The following NLGN1 variants were observed in gnomAD, a reference collection of about 807,000 sequenced individuals.
NLGN1 encodes neuroligin 1.
NLGN1 carries 12 observed loss-of-function variants against 65.5 expected under a neutral mutation model. That is an observed-to-expected ratio of 0.18 (90% confidence interval 0.12 to 0.30). The LOEUF (loss-of-function observed/expected upper bound fraction) is 0.30, where lower values mean the gene tolerates loss of function less well. NLGN1 is among the 10% of genes least tolerant of loss of function. The pLI is 1.00. For missense variants in NLGN1, 750 were observed against 1,007.1 expected, an observed-to-expected ratio of 0.74 and a Z score of 3.46; for synonymous variants, 350 against 359.5, an observed-to-expected ratio of 0.97 and a Z score of 0.30.
At chr3:173,430,375 C>G (rs1385928757) in intron 1 of NLGN1, among the ~76,000 whole-genome samples, 1 of 152,134 alleles carries the variant, frequency 6.6e-6, no homozygotes, top group East Asian at 1.9e-4. Context: ...TTGATAATAT[C>G]ACTCTCTTGA....
chr3:173,793,307 G>A (rs1183042811), intron 3 of NLGN1, among the ~76,000 whole-genome samples: 1 of 151,982 alleles, frequency 6.6e-6, no homozygotes, highest in Non-Finnish European at 1.5e-5. Context: ...AGATTTCCCT[G>A]GGAAATCTGG....
At chr3:174,140,457 G>A (rs1387195384) in intron 4 of NLGN1, among the ~76,000 whole-genome samples, 4 of 152,066 alleles carry the variant, frequency 2.6e-5, no homozygotes, top group Admixed American at 2.6e-4. Flanking sequence ...TATTTTATAT[G>A]AATTATTTTA....
chr3:174,105,822 G>A (rs1307648313), intron 4 of NLGN1, among the ~76,000 whole-genome samples: 2 of 151,506 alleles, frequency 1.3e-5, no homozygotes, highest in Non-Finnish European at 2.9e-5. Flanking sequence ...AAGGACCCAT[G>A]GAAATATATA....
intron 1 of NLGN1, among the ~76,000 whole-genome samples, chr3:173,414,070 C>T (rs536156131): frequency 6.6e-6 from 1 of 152,258 alleles, no homozygotes; most frequent in African/African-American, 2.4e-5. Context: ...CATCTTCATA[C>T]TTACATTGTA....
chr3:174,244,560 G>T (rs1743448925), intron 4 of NLGN1, among the ~76,000 whole-genome samples: 1 of 152,088 alleles, frequency 6.6e-6, no homozygotes, highest in South Asian at 2.1e-4. Context: ...TACAAGAGAA[G>T]AATTGAAATA....
At chr3:173,445,805 T>G (rs184846936) in intron 2 of NLGN1, among the ~76,000 whole-genome samples, 1 of 152,254 alleles carries the variant, frequency 6.6e-6, no homozygotes, top group East Asian at 1.9e-4. Flanking sequence ...GACAGGGAAG[T>G]TTGGGAACAC....
chr3:173,447,277 A>G (rs1307697408), intron 2 of NLGN1, among the ~76,000 whole-genome samples: 2 of 152,174 alleles, frequency 1.3e-5, no homozygotes, highest in Non-Finnish European at 2.9e-5. Flanking sequence ...TCAGCTTTCT[A>G]TGTATGGCTA....
intron 2 of NLGN1, among the ~76,000 whole-genome samples, chr3:173,597,252 G>A (rs1749636381): frequency 6.6e-6 from 1 of 152,140 alleles, no homozygotes; most frequent in African/African-American, 2.4e-5. Context: ...TTGTTTCTTG[G>A]ATCTGCCTTT....
chr3:174,102,375 T>G (rs1712730363), intron 4 of NLGN1, among the ~76,000 whole-genome samples: 1 of 152,154 alleles, frequency 6.6e-6, no homozygotes, highest in Admixed American at 6.6e-5. Flanking sequence ...GAAGGATCTA[T>G]TTGCTTTGAC....
chr3:173,713,864 A>G (rs888842241), intron 3 of NLGN1, among the ~76,000 whole-genome samples: 14 of 152,100 alleles, frequency 9.2e-5, no homozygotes, highest in African/African-American at 3.4e-4. Context: ...CCTATATTGT[A>G]GGGTGCATTG....
intron 3 of NLGN1, among the ~76,000 whole-genome samples, chr3:173,768,971 T>C (rs1779178440): frequency 6.6e-6 from 1 of 152,088 alleles, no homozygotes; most frequent in Non-Finnish European, 1.5e-5. Flanking sequence ...GGTTTCGCCA[T>C]GTTGCCCAGG....
At chr3:173,939,103 T>C (rs1005570454) in intron 4 of NLGN1, among the ~76,000 whole-genome samples, 2 of 152,214 alleles carry the variant, frequency 1.3e-5, no homozygotes, top group African/African-American at 4.8e-5. Flanking sequence ...TCTCTTTCTT[T>C]AGCTAGCCTG....
At chr3:173,702,233 C>A (rs1255765765) in intron 3 of NLGN1, among the ~76,000 whole-genome samples, 1 of 131,304 alleles carries the variant, frequency 7.6e-6, no homozygotes, top group Non-Finnish European at 1.5e-5. Context: ...AGCGAGACTC[C>A]GTCTCAAAAA....
chr3:173,408,571 C>T (rs748992396), intron 1 of NLGN1, among the ~76,000 whole-genome samples: 1 of 152,150 alleles, frequency 6.6e-6, no homozygotes, highest in Non-Finnish European at 1.5e-5. Context: ...AGAGCATAAG[C>T]ATGTTTTCTA....
At chr3:173,467,263 G>T (rs949519470) in intron 2 of NLGN1, among the ~76,000 whole-genome samples, 2 of 151,652 alleles carry the variant, frequency 1.3e-5, no homozygotes, top group Admixed American at 1.3e-4. Flanking sequence ...TCAAATATGT[G>T]CACTAGAATC....
intron 4 of NLGN1, among the ~76,000 whole-genome samples, chr3:173,994,502 A>C (rs1341033536): frequency 2.8e-5 from 4 of 140,702 alleles, no homozygotes; most frequent in East Asian, 4.8e-4. Flanking sequence ...AGAGAGAGAG[A>C]GAGCCTAATT....
chr3:173,458,134 C>A (rs114358297), intron 2 of NLGN1, among the ~76,000 whole-genome samples: 2,697 of 151,978 alleles, frequency 0.018, 92 homozygotes, highest in African/African-American at 0.059. Context: ...AGGTCTGCCT[C>A]AGTGTTAGGA....
At chr3:173,944,810 A>G (rs905101353) in intron 4 of NLGN1, among the ~76,000 whole-genome samples, 5 of 152,306 alleles carry the variant, frequency 3.3e-5, no homozygotes, top group South Asian at 2.1e-4. Flanking sequence ...CTTGAAGGAA[A>G]TGGTCATGCC....
chr3:173,571,143 TG>T (rs1187032205), intron 2 of NLGN1, among the ~76,000 whole-genome samples: 1 of 152,216 alleles, frequency 6.6e-6, no homozygotes, highest in Admixed American at 6.5e-5. Context: ...GCAGTAGACC[TG>T]GAGTTCAAAG....
Sources: gnomAD v4.1 joint callset for allele counts (sites outside exome capture counted in the v4.1 genomes callset) on GRCh38, gnomAD v4.1.1 for gene constraint, MANE v1.5 for transcripts, NCBI Gene and HGNC (gene_info 2026-07-23, HGNC 2026-07-21) for gene names.